Variants in GATAD1 observed in about 807,000 individuals in gnomAD.
The protein encoded by GATAD1 is GATA zinc finger domain containing 1.
In GATAD1, 12 loss-of-function variants were observed where a neutral mutation model predicts 26.5. The ratio of observed to expected loss-of-function variants is 0.45; its 90% CI spans 0.29 to 0.73. GATAD1 has a LOEUF of 0.73. Ranked by LOEUF, GATAD1 falls within the 30% of genes least tolerant of loss-of-function variation. The pLI is 0.10. For missense variants in GATAD1, 266 were observed against 342.1 expected (o/e 0.78, Z 1.75); for synonymous variants, 129 against 133.1 (o/e 0.97, Z 0.21).
chr7:92,448,890 T>C lies in GATAD1; in HGVS notation c.375+13T>C. The C allele has an allele frequency of 6.2e-7, 1 of 1,609,184 alleles. No individual in the cohort carries two copies. The highest frequency in any genetic ancestry group is 8.5e-7 in the Non-Finnish European group (1 of 1,175,472). ...TAAATTGAAAAATGTAAGATATTTG[T>C]GGACAGTGCCTTTTACTGTAATGAC... On this transcript the variant is annotated intron_variant, in intron 2 of 4. Coordinates refer to ENST00000287957, the MANE Select transcript of GATAD1 (RefSeq NM_021167.5).
chr7:92,488,790 G>C, the GATAD1 span, among the ~76,000 whole-genome samples: 1 of 150,362 alleles, frequency 6.7e-6, no homozygotes, highest in Non-Finnish European at 1.5e-5. Context: ...ATGGAGTGCA[G>C]TGGTGCAATC....
chr7:92,487,517 C>T, the GATAD1 span: 1 of 1,588,374 alleles, frequency 6.3e-7, no homozygotes, highest in Non-Finnish European at 8.6e-7. Flanking sequence ...TTTTTCTCCT[C>T]TTTGGATTTT....
chr7:92,453,415 A>T (rs1369521485), intron 3 of GATAD1, among the ~76,000 whole-genome samples: 1 of 152,230 alleles, frequency 6.6e-6, no homozygotes, highest in African/African-American at 2.4e-5. Flanking sequence ...TAGGATGGAT[A>T]CCAGAGTCAT....
downstream of GATAD1, among the ~76,000 whole-genome samples, chr7:92,464,077 G>C (rs1315837312): frequency 1.3e-5 from 2 of 152,204 alleles, no homozygotes; most frequent in Non-Finnish European, 2.9e-5. Context: ...GTTGTAAATA[G>C]AGACTGAGTG....
At chr7:92,474,174 C>T in the GATAD1 span, among the ~76,000 whole-genome samples, 9 of 151,916 alleles carry the variant, frequency 5.9e-5, no homozygotes, top group Non-Finnish European at 1.3e-4. Context: ...TGTCCTGTTC[C>T]GCCTGCTCCT....
At chr7:92,464,805 G>T (rs1790040701), downstream of GATAD1, among the ~76,000 whole-genome samples, 1 of 152,162 alleles carries the variant, frequency 6.6e-6, no homozygotes, top group African/African-American at 2.4e-5. Flanking sequence ...CCTCAGGCAG[G>T]GCCCCTGGGC....
the GATAD1 span, among the ~76,000 whole-genome samples, chr7:92,495,760 T>C: frequency 2.0e-5 from 3 of 152,124 alleles, no homozygotes; most frequent in Non-Finnish European, 4.4e-5. Flanking sequence ...ATCTTGGCTT[T>C]GTGAGCTTCT....
chr7:92,478,645 T>G, the GATAD1 span, among the ~76,000 whole-genome samples: 1 of 152,220 alleles, frequency 6.6e-6, no homozygotes, highest in African/African-American at 2.4e-5. Flanking sequence ...AAGAAATAGT[T>G]TTTTGGCAGC....
the GATAD1 span, among the ~76,000 whole-genome samples, chr7:92,487,734 A>G: frequency 1.3e-5 from 2 of 152,310 alleles, no homozygotes; most frequent in Admixed American, 1.3e-4. Flanking sequence ...AAACGGAGCA[A>G]AGGGGATGAA....
the GATAD1 span, chr7:92,470,351 T>C: frequency 1.4e-6 from 1 of 724,996 alleles, no homozygotes; most frequent in East Asian, 2.5e-5. Context: ...AAAAGAACAG[T>C]AAAGAGAAAA....
At chr7:92,460,683 C>G (rs1789887814), downstream of GATAD1, among the ~76,000 whole-genome samples, 1 of 149,902 alleles carries the variant, frequency 6.7e-6, no homozygotes, top group South Asian at 2.1e-4. Flanking sequence ...AATCCCAGCA[C>G]TTTAAGAGGC....
chr7:92,467,639 G>T, the GATAD1 span, among the ~76,000 whole-genome samples: 1 of 152,246 alleles, frequency 6.6e-6, no homozygotes, highest in Non-Finnish European at 1.5e-5. Flanking sequence ...ACTATTGTAA[G>T]GGAGAGCTAT....
the GATAD1 span, among the ~76,000 whole-genome samples, chr7:92,467,037 G>T: frequency 6.6e-6 from 1 of 151,718 alleles, no homozygotes; most frequent in African/African-American, 2.4e-5. Context: ...TGTATTTCAG[G>T]CTGGGCATGA....
the GATAD1 span, among the ~76,000 whole-genome samples, chr7:92,495,284 G>A: frequency 6.6e-6 from 1 of 151,650 alleles, no homozygotes; most frequent in African/African-American, 2.4e-5. Context: ...GATGTCTGGC[G>A]AATAACACCT....
At chr7:92,454,326 A>T in intron 3 of GATAD1, 176 bp from the exon 4 acceptor site, 1 of 591,710 alleles carries the variant, frequency 1.7e-6, no homozygotes, top group Non-Finnish European at 3.0e-6. Flanking sequence ...TATAATTTTC[A>T]TTCAAACGTG....
rs950260933 is a variant in GATAD1, at chr7:92,457,887, G to C, written c.*1325G>C. On this transcript the variant is annotated 3_prime_UTR_variant, in exon 5 of 5. Coordinates refer to ENST00000287957, the MANE Select transcript of GATAD1 (RefSeq NM_021167.5). Reference sequence around the variant, plus strand: ...TGCGGTGGCTCATGCCTGTAATCCCGGCACTTTGGGAGGCCTGAGTGGATG... The same window carrying C: ...TGCGGTGGCTCATGCCTGTAATCCCCGCACTTTGGGAGGCCTGAGTGGATG... 1 of 152,008 alleles carries C rather than the reference G, an allele frequency of 6.6e-6. No individual in the cohort carries two copies. Among genetic ancestry groups the C allele is most frequent in the Non-Finnish European group, 1.5e-5 (1 of 68,018 alleles). The allele number at this position is 152,008 out of a possible 1,614,324, so 9.4% of individuals were successfully genotyped here. A position where few individuals can be genotyped will look rare whatever the true frequency, so the allele number is the denominator to read the frequency against.
At chr7:92,455,860 A>G (rs530367792) in intron 4 of GATAD1, among the ~76,000 whole-genome samples, 44 of 152,322 alleles carry the variant, frequency 2.9e-4, no homozygotes, top group African/African-American at 7.7e-4. Context: ...CACCTTCGGG[A>G]TTCCTCTACT....
chr7:92,449,771 C>T (rs573711044), intron 2 of GATAD1: 95 of 206,290 alleles, frequency 4.6e-4, no homozygotes, highest in Non-Finnish European at 7.6e-4. Context: ...CATAGGTATA[C>T]GTGCCATGGT....
chr7:92,466,658 C>A, the GATAD1 span, among the ~76,000 whole-genome samples: 1 of 152,166 alleles, frequency 6.6e-6, no homozygotes, highest in Non-Finnish European at 1.5e-5. Flanking sequence ...GGAAATTTCA[C>A]CATTTTGTAC....
Sources: gnomAD v4.1 joint callset for allele counts (sites outside exome capture counted in the v4.1 genomes callset) on GRCh38, gnomAD v4.1.1 for gene constraint, MANE v1.5 for transcripts, NCBI Gene and HGNC (gene_info 2026-07-23, HGNC 2026-07-21) for gene names.